The following DCC variants were observed in gnomAD, a reference collection of about 807,000 sequenced individuals.
DCC encodes the protein netrin receptor DCC.
DCC carries 58 observed loss-of-function variants against 172.5 expected under a neutral mutation model. The ratio of observed to expected loss-of-function variants is 0.34; its 90% CI spans 0.27 to 0.42. The LOEUF is 0.42. Among genes scored for constraint, DCC ranks in the 10% least tolerant of loss-of-function variants. The probability of loss-of-function intolerance (pLI) is 1.00; values close to 1 mark genes in which losing one functional copy is unlikely to be tolerated. For missense variants in DCC, 1,740 were observed against 1,791.0 expected (o/e 0.97, Z 0.51); for synonymous variants, 709 against 644.5 (o/e 1.10, Z -1.52).
At chr18:52,341,869 C>T (rs1983650969) in intron 1 of DCC, among the ~76,000 whole-genome samples, 1 of 144,054 alleles carries the variant, frequency 6.9e-6, no homozygotes, top group Non-Finnish European at 1.5e-5. Context: ...AGGAGAGCGG[C>T]TGGATGAGCA....
intron 1 of DCC, among the ~76,000 whole-genome samples, chr18:52,703,610 A>G (rs554769603): frequency 9.9e-5 from 15 of 152,234 alleles, no homozygotes; most frequent in Admixed American, 5.9e-4. Flanking sequence ...GGTTGACGGA[A>G]ATGGGTCTGT....
At chr18:52,664,842 T>TTTAA (rs2035436042) in intron 1 of DCC, among the ~76,000 whole-genome samples, 1 of 152,208 alleles carries the variant, frequency 6.6e-6, no homozygotes, top group African/African-American at 2.4e-5. Flanking sequence ...CGGCCATTAA[T>TTTAA]TTAATTGAAC....
At chr18:52,880,095 C>T (rs985792515) in intron 2 of DCC, among the ~76,000 whole-genome samples, 2 of 151,810 alleles carry the variant, frequency 1.3e-5, no homozygotes, top group Non-Finnish European at 2.9e-5. Flanking sequence ...TATAGTCACT[C>T]CGTTGTGCTA....
intron 12 of DCC, among the ~76,000 whole-genome samples, chr18:53,276,169 G>A (rs58819541): frequency 0.046 from 6,926 of 152,092 alleles, 472 homozygotes; most frequent in African/African-American, 0.15. Context: ...TTCTCAGCTG[G>A]ACAGGAATTA....
intron 5 of DCC, among the ~76,000 whole-genome samples, chr18:52,929,970 C>A (rs2040281798): frequency 6.6e-6 from 1 of 151,866 alleles, no homozygotes; most frequent in African/African-American, 2.4e-5. Flanking sequence ...GTGCACATGT[C>A]TATCTTCTCC....
At chr18:53,320,304 C>T (rs1472900938) in intron 13 of DCC, among the ~76,000 whole-genome samples, 2 of 152,206 alleles carry the variant, frequency 1.3e-5, no homozygotes, top group East Asian at 3.9e-4. Context: ...GATCTCCTGA[C>T]TTTGTGATCC....
intron 1 of DCC, among the ~76,000 whole-genome samples, chr18:52,510,119 CAA>C (rs34308021): frequency 6.5e-4 from 86 of 132,872 alleles, no homozygotes; most frequent in East Asian, 1.5e-3. Flanking sequence ...GCATCCCCTT[CAA>C]AAAAAAAAAA....
At chr18:52,996,633 G>T (rs765206763) in intron 5 of DCC, among the ~76,000 whole-genome samples, 1 of 151,886 alleles carries the variant, frequency 6.6e-6, no homozygotes, top group Non-Finnish European at 1.5e-5. Flanking sequence ...TGTATAAATT[G>T]ATCAAATATT....
At chr18:53,342,610 T>C (rs1290846543) in intron 15 of DCC, among the ~76,000 whole-genome samples, 1 of 150,642 alleles carries the variant, frequency 6.6e-6, no homozygotes, top group African/African-American at 2.4e-5. Context: ...CTTTATAATT[T>C]CTCTAATTTA....
intron 1 of DCC, among the ~76,000 whole-genome samples, chr18:52,512,941 C>T (rs140742001): frequency 1.8e-4 from 28 of 152,150 alleles, no homozygotes; most frequent in East Asian, 5.8e-4. Context: ...ACTGTGTGGC[C>T]TCAGGGTGGA....
At chr18:52,505,159 G>A (rs988430251) in intron 1 of DCC, among the ~76,000 whole-genome samples, 6 of 152,126 alleles carry the variant, frequency 3.9e-5, no homozygotes, top group East Asian at 1.9e-4. Flanking sequence ...TAAGTTTGTC[G>A]AAATTATCAG....
chr18:52,713,181 C>A (rs77708563), intron 1 of DCC, among the ~76,000 whole-genome samples: 1 of 152,170 alleles, frequency 6.6e-6, no homozygotes, highest in Non-Finnish European at 1.5e-5. Flanking sequence ...TCTTTTCTCT[C>A]GCATAGCATG....
chr18:52,598,376 T>C (rs1313060441), intron 1 of DCC, among the ~76,000 whole-genome samples: 1 of 152,088 alleles, frequency 6.6e-6, no homozygotes. Context: ...TAGCTGAGTC[T>C]CAAAAAAGGA....
chr18:53,041,010 T>G (rs1370202272), intron 5 of DCC, among the ~76,000 whole-genome samples: 3 of 144,636 alleles, frequency 2.1e-5, no homozygotes, highest in Admixed American at 1.4e-4. Flanking sequence ...TTATAGCTTC[T>G]TTTGCTGTGC....
intron 12 of DCC, among the ~76,000 whole-genome samples, chr18:53,242,307 A>T (rs953570846): frequency 1.9e-4 from 29 of 152,318 alleles, no homozygotes; most frequent in African/African-American, 6.0e-4. Flanking sequence ...TTAATGATAT[A>T]AGTTTCCAAT....
chr18:53,067,082 C>A (rs1432823936), intron 7 of DCC, among the ~76,000 whole-genome samples: 1 of 152,114 alleles, frequency 6.6e-6, no homozygotes, highest in Admixed American at 6.6e-5. Flanking sequence ...CTGGGGATTG[C>A]AATTAGACAT....
chr18:53,077,525 A>G (rs184312694), intron 7 of DCC, among the ~76,000 whole-genome samples: 15 of 152,236 alleles, frequency 9.9e-5, no homozygotes, highest in Admixed American at 8.5e-4. Context: ...AATTCACCCC[A>G]TGAACTGATG....
At chr18:53,213,579 C>T (rs374110020) in intron 11 of DCC, among the ~76,000 whole-genome samples, 14 of 131,952 alleles carry the variant, frequency 1.1e-4, no homozygotes, top group African/African-American at 3.9e-4. Flanking sequence ...ACCCGGGAGA[C>T]GAAGGTTGCA....
intron 10 of DCC, among the ~76,000 whole-genome samples, chr18:53,206,506 CTATG>C (rs977221359): frequency 3.0e-5 from 4 of 134,760 alleles, no homozygotes; most frequent in South Asian, 2.2e-4. Context: ...TATTACATAT[CTATG>C]TATATACATG....
Sources: gnomAD v4.1 joint callset for allele counts (sites outside exome capture counted in the v4.1 genomes callset) on GRCh38, gnomAD v4.1.1 for gene constraint, MANE v1.5 for transcripts, NCBI Gene and HGNC (gene_info 2026-07-23, HGNC 2026-07-21) for gene names.